PDE10A: variants seen among roughly 807,000 people sequenced by gnomAD.
The protein encoded by PDE10A is cAMP and cAMP-inhibited cGMP 3',5'-cyclic phosphodiesterase 10A.
PDE10A carries 39 observed loss-of-function variants against 97.7 expected under a neutral mutation model. That is an observed-to-expected ratio of 0.40 (90% CI 0.31 to 0.52). The LOEUF (loss-of-function observed/expected upper bound fraction) is 0.52. Among genes scored for constraint, PDE10A ranks in the 20% least tolerant of loss-of-function variants. PDE10A has a pLI of 0.56. For synonymous variants in PDE10A, 371 were observed against 376.8 expected (o/e 0.98, Z 0.18); for missense variants, 731 against 1,047.8 (o/e 0.70, Z 4.17).
At chr6:165,971,536 TG>T (rs1312029083) in intron 1 of PDE10A, among the ~76,000 whole-genome samples, 7 of 152,230 alleles carry the variant, frequency 4.6e-5, no homozygotes, top group African/African-American at 1.7e-4. Flanking sequence ...ACTGTGCGAC[TG>T]TACGTTTCAT....
chr6:165,910,455 A>G (rs1485575945), intron 1 of PDE10A, among the ~76,000 whole-genome samples: 2 of 152,226 alleles, frequency 1.3e-5, no homozygotes, highest in Admixed American at 1.3e-4. Flanking sequence ...GAAGATTCAC[A>G]AGGCAACTCA....
intron 2 of PDE10A, 32 bp from the exon 3 acceptor site, chr6:165,482,375 A>G: frequency 6.4e-7 from 1 of 1,561,522 alleles, no homozygotes; most frequent in Non-Finnish European, 8.8e-7. Context: ...GGAAAAACAC[A>G]ATTAGCGACT....
chr6:165,939,314 T>A (rs542626345), intron 1 of PDE10A: 2 of 152,326 alleles, frequency 1.3e-5, no homozygotes, highest in African/African-American at 4.8e-5. Flanking sequence ...TCCACGTGGA[T>A]GTATTTATAT....
At chr6:165,953,890 C>G (rs1262285654) in intron 1 of PDE10A, among the ~76,000 whole-genome samples, 1 of 152,170 alleles carries the variant, frequency 6.6e-6, no homozygotes, top group Admixed American at 6.5e-5. Flanking sequence ...TTGCATTGTC[C>G]TCAAATTCCC....
intron 1 of PDE10A, among the ~76,000 whole-genome samples, chr6:165,847,480 A>G (rs1367591020): frequency 6.6e-6 from 1 of 152,282 alleles, no homozygotes. Flanking sequence ...GCCTCGCGTG[A>G]CAGCGATCTA....
At chr6:165,383,904 G>C (rs1411167942) in intron 17 of PDE10A, among the ~76,000 whole-genome samples, 3 of 152,066 alleles carry the variant, frequency 2.0e-5, no homozygotes, top group African/African-American at 7.2e-5. Flanking sequence ...CTGAGTGGGG[G>C]GCCACAAGAA....
intron 2 of PDE10A, among the ~76,000 whole-genome samples, chr6:165,534,799 A>G (rs672986): frequency 0.8 from 120,806 of 151,942 alleles, 49,507 homozygotes; most frequent in Non-Finnish European, 0.89. Context: ...AACATACCTC[A>G]AAACAATAAA....
chr6:165,916,495 A>C (rs1347009980), intron 1 of PDE10A, among the ~76,000 whole-genome samples: 1 of 152,216 alleles, frequency 6.6e-6, no homozygotes, highest in Non-Finnish European at 1.5e-5. Context: ...TGAGATGGTA[A>C]TAAGGTCAGC....
At chr6:165,934,119 G>A (rs1441920764) in intron 1 of PDE10A, among the ~76,000 whole-genome samples, 2 of 149,742 alleles carry the variant, frequency 1.3e-5, no homozygotes, top group African/African-American at 2.5e-5. Flanking sequence ...GAGTAGCTGG[G>A]ATTACAGGCA....
At chr6:165,816,979 G>A (rs773380554) in intron 1 of PDE10A, among the ~76,000 whole-genome samples, 11 of 152,160 alleles carry the variant, frequency 7.2e-5, no homozygotes, top group Non-Finnish European at 1.5e-4. Flanking sequence ...GAATCCTTCC[G>A]GGTGCAAAGA....
At chr6:165,463,054 C>T (rs221740) in intron 3 of PDE10A, among the ~76,000 whole-genome samples, 4,854 of 152,286 alleles carry the variant, frequency 0.032, 93 homozygotes, top group Non-Finnish European at 0.048. Context: ...TGCTGCACAA[C>T]GATTCCTATG....
rs545282628 is a variant in PDE10A at position 165,350,397 on chromosome 6, T to TG, written c.2784-6896dup. On this transcript the variant is annotated intron_variant, in intron 18 of 21. Coordinates refer to ENST00000539869, the MANE Select transcript of PDE10A (RefSeq NM_001385079.1). Reference sequence around the variant, plus strand: ...TTTGGCCAATTTCTCCCATTTGGAATGCTATATTTACCCAATGCCTGTACC... The same window carrying TG: ...TTTGGCCAATTTCTCCCATTTGGAATGGCTATATTTACCCAATGCCTGTACC... Among the ~76,000 whole-genome samples the TG allele has an allele frequency of 1.5e-3, 232 of 152,328 alleles. 1 individual carries two copies. Among genetic ancestry groups the TG allele is most frequent in the African/African-American group, 5.2e-3 (216 of 41,586 alleles).
At chr6:165,906,475 T>C (rs1279242097) in intron 1 of PDE10A, among the ~76,000 whole-genome samples, 1 of 152,094 alleles carries the variant, frequency 6.6e-6, no homozygotes, top group Non-Finnish European at 1.5e-5. Context: ...TTTTTCAAAC[T>C]CCAGGTCTCA....
At chr6:165,811,545 C>G (rs1341301987) in intron 1 of PDE10A, among the ~76,000 whole-genome samples, 1 of 152,212 alleles carries the variant, frequency 6.6e-6, no homozygotes, top group East Asian at 1.9e-4. Context: ...TTCTGCTGCT[C>G]TCCTGCTCCC....
chr6:165,701,512 G>C (rs889426549), intron 1 of PDE10A, among the ~76,000 whole-genome samples: 1 of 152,192 alleles, frequency 6.6e-6, no homozygotes, highest in East Asian at 1.9e-4. Flanking sequence ...GGATACAGAA[G>C]TGAATAATAT....
At chr6:165,696,548 G>A (rs186013688) in intron 1 of PDE10A, among the ~76,000 whole-genome samples, 141 of 152,170 alleles carry the variant, frequency 9.3e-4, no homozygotes, top group African/African-American at 3.0e-3. Context: ...CCACTGGGGG[G>A]GTCTTGGAAT....
At chr6:165,791,208 C>T (rs765840173) in intron 1 of PDE10A, among the ~76,000 whole-genome samples, 17 of 151,816 alleles carry the variant, frequency 1.1e-4, no homozygotes, top group Non-Finnish European at 1.9e-4. Context: ...CTTGGCCTCC[C>T]GAAGCGTTGG....
intron 1 of PDE10A, among the ~76,000 whole-genome samples, chr6:165,959,732 G>A (rs1784301556): frequency 6.6e-6 from 1 of 152,116 alleles, no homozygotes; most frequent in African/African-American, 2.4e-5. Flanking sequence ...CCCGAGTAGG[G>A]TCTGAAGAGG....
At chr6:165,983,770 G>GC (rs1157888343) in intron 1 of PDE10A, among the ~76,000 whole-genome samples, 2 of 152,192 alleles carry the variant, frequency 1.3e-5, no homozygotes, top group African/African-American at 4.8e-5. Flanking sequence ...TGGCTTAGAG[G>GC]CCCAAAGGGG....
Sources: allele counts gnomAD v4.1 joint callset (sites outside exome capture counted in the v4.1 genomes callset), GRCh38; gene constraint gnomAD v4.1.1; transcripts MANE v1.5; gene names NCBI Gene and HGNC (gene_info 2026-07-23, HGNC 2026-07-21).